BMPR1B: variants seen among roughly 807,000 people sequenced by gnomAD.
BMPR1B encodes the protein bone morphogenetic protein receptor type 1B, also known as bone morphogenetic protein receptor type-1B.
Under a neutral mutation model 59.1 loss-of-function variants are expected in BMPR1B, and 12 were observed. That is an observed-to-expected ratio of 0.20 (90% confidence interval 0.13 to 0.33). The LOEUF (loss-of-function observed/expected upper bound fraction) is 0.33, where lower values mean the gene tolerates loss of function less well. Among genes scored for constraint, BMPR1B ranks in the 10% least tolerant of loss-of-function variants. BMPR1B has a pLI of 1.00. For missense variants in BMPR1B, 550 were observed against 610.9 expected (o/e 0.90, Z 1.05); for synonymous variants, 237 against 207.3 (o/e 1.14, Z -1.23).
intron 9 of BMPR1B, among the ~76,000 whole-genome samples, chr4:95,130,616 T>C (rs997067154): frequency 6.6e-6 from 1 of 151,798 alleles, no homozygotes; most frequent in Non-Finnish European, 1.5e-5. Flanking sequence ...TGTAATACCA[T>C]AAAGTAGTTT....
intron 2 of BMPR1B, among the ~76,000 whole-genome samples, chr4:94,975,018 C>G (rs1730963594): frequency 6.6e-6 from 1 of 152,174 alleles, no homozygotes; most frequent in South Asian, 2.1e-4. Context: ...AACCACTTCA[C>G]TAACTGTAAA....
intron 3 of BMPR1B, among the ~76,000 whole-genome samples, chr4:95,017,508 G>A (rs1357708278): frequency 6.6e-6 from 1 of 152,210 alleles, no homozygotes; most frequent in East Asian, 1.9e-4. Context: ...TAAACATTCA[G>A]TTCTTGGGCT....
intron 3 of BMPR1B, among the ~76,000 whole-genome samples, chr4:95,077,611 A>T (rs1021398407): frequency 1.3e-5 from 2 of 152,206 alleles, no homozygotes; most frequent in African/African-American, 4.8e-5. Context: ...AGTGAATGTG[A>T]TATTTCCTAT....
intron 1 of BMPR1B, among the ~76,000 whole-genome samples, chr4:94,769,332 C>T (rs1406877936): frequency 7.9e-5 from 12 of 152,156 alleles, no homozygotes; most frequent in East Asian, 7.7e-4. Context: ...CAGTTGAGGC[C>T]GGGCGCGGTG....
intron 3 of BMPR1B, among the ~76,000 whole-genome samples, chr4:95,027,795 C>T (rs904997080): frequency 2.6e-5 from 4 of 152,092 alleles, no homozygotes; most frequent in African/African-American, 9.7e-5. Flanking sequence ...ATGTATTTTT[C>T]AATATGTTCC....
At chr4:94,860,154 G>C (rs1424163795) in intron 1 of BMPR1B, among the ~76,000 whole-genome samples, 16 of 152,142 alleles carry the variant, frequency 1.1e-4, no homozygotes. Flanking sequence ...GGGATTGTAA[G>C]TTGAAAGAAT....
At chr4:95,032,082 C>G (rs1394391879) in intron 3 of BMPR1B, among the ~76,000 whole-genome samples, 1 of 152,102 alleles carries the variant, frequency 6.6e-6, no homozygotes, top group Non-Finnish European at 1.5e-5. Flanking sequence ...GTTGCTATCA[C>G]AAGATACCAC....
At chr4:94,934,405 A>G (rs114242667) in intron 2 of BMPR1B, among the ~76,000 whole-genome samples, 2,305 of 149,064 alleles carry the variant, frequency 0.015, 25 homozygotes, top group Middle Eastern at 0.028. Context: ...CCGCTGACTC[A>G]CGTGCATGTT....
chr4:94,902,046 G>GGTGTGTGTGTGTGTGTGTGTGTGT (rs34068392), intron 2 of BMPR1B, among the ~76,000 whole-genome samples: 1 of 119,184 alleles, frequency 8.4e-6, no homozygotes, highest in African/African-American at 4.0e-5. Context: ...CAGACTGCAT[G>GGTGTGTGTGTGTGTGTGTGTGTGT]GTGTGTGTGT....
chr4:95,069,365 A>G (rs1014844555), intron 3 of BMPR1B, among the ~76,000 whole-genome samples: 2 of 152,192 alleles, frequency 1.3e-5, no homozygotes, highest in Admixed American at 6.5e-5. Context: ...CTCACCATGT[A>G]CTACTGTTAT....
chr4:94,839,985 TG>T, intron 1 of BMPR1B, among the ~76,000 whole-genome samples: 1 of 148,862 alleles, frequency 6.7e-6, no homozygotes, highest in South Asian at 2.1e-4. Context: ...AGCATTTGCT[TG>T]TTTGTAAAGT....
At chr4:94,783,242 C>T (rs1314344462) in intron 1 of BMPR1B, among the ~76,000 whole-genome samples, 1 of 152,156 alleles carries the variant, frequency 6.6e-6, no homozygotes, top group Non-Finnish European at 1.5e-5. Flanking sequence ...TAATTAGTTT[C>T]AGGCCACTCT....
At chr4:94,864,107 A>G (rs1004825578) in intron 1 of BMPR1B, among the ~76,000 whole-genome samples, 2 of 152,196 alleles carry the variant, frequency 1.3e-5, no homozygotes, top group Non-Finnish European at 2.9e-5. Flanking sequence ...AAAGTGGTCT[A>G]TTAGGTTATG....
chr4:95,130,035 G>A lies in BMPR1B; in HGVS notation c.759G>A (p.Met253Ile), dbSNP rs200446727. The change falls in exon 9 of 13, where the codon ATG becomes ATA. Residue 253 changes from methionine to isoleucine, a missense_variant. Transcript: ENST00000515059. Reference sequence around the variant, plus strand: ...CAGAAATATATCAGACAGTGTTGATGAGGCATGAAAACATTTTGGGTGAGT... The same window carrying A: ...CAGAAATATATCAGACAGTGTTGATAAGGCATGAAAACATTTTGGGTGAGT... ...RETEIYQTVL[M>I]RHENILGFIA... 5.6e-6 allele frequency: 9 copies of A among 1,613,878 alleles called. No individual in the cohort carries two copies. In the East Asian group the frequency reaches 1.3e-4, roughly 24 times the overall value.
chr4:94,818,806 G>GATGT (rs1035787058), intron 1 of BMPR1B, among the ~76,000 whole-genome samples: 5 of 152,058 alleles, frequency 3.3e-5, no homozygotes, highest in African/African-American at 9.7e-5. Context: ...TGAATTAGTG[G>GATGT]ATGTATAGAA....
intron 2 of BMPR1B, among the ~76,000 whole-genome samples, chr4:94,893,636 A>G (rs903424842): frequency 2.6e-5 from 4 of 151,992 alleles, no homozygotes; most frequent in African/African-American, 7.2e-5. Context: ...TCCTTATTCA[A>G]CACTCAGGAA....
At chr4:95,059,788 G>A (rs1727216414) in intron 3 of BMPR1B, among the ~76,000 whole-genome samples, 1 of 152,116 alleles carries the variant, frequency 6.6e-6, no homozygotes, top group African/African-American at 2.4e-5. Flanking sequence ...AAGCAGCTGG[G>A]TTTCATTTGT....
rs530907110 is a variant in BMPR1B, at chr4:94,915,994, T to C, written c.-113+40094T>C. Among the ~76,000 whole-genome samples the C allele has an allele frequency of 2.6e-5, 4 of 152,276 alleles. No individual in the cohort carries two copies. The South Asian group carries it at 8.3e-4, about 32-fold the overall frequency. The stretch of plus-strand genomic sequence containing the variant: ...TACTTTTGCCACGTGACATGCTTGC[T>C]CCCATTTTGCCTTTTGCCATCAGTA... On this transcript the variant is annotated intron_variant, in intron 2 of 12. Transcript: ENST00000515059.
chr4:94,771,731 T>C (rs1339662649), intron 1 of BMPR1B, among the ~76,000 whole-genome samples: 2 of 152,228 alleles, frequency 1.3e-5, no homozygotes, highest in African/African-American at 2.4e-5. Flanking sequence ...TTTACTAATA[T>C]TGACTTTTCT....
Sources: gnomAD v4.1 joint callset for allele counts (sites outside exome capture counted in the v4.1 genomes callset) on GRCh38, gnomAD v4.1.1 for gene constraint, MANE v1.5 for transcripts, NCBI Gene and HGNC (gene_info 2026-07-23, HGNC 2026-07-21) for gene names.